MYOM1: variants seen among roughly 807,000 people sequenced by gnomAD.
The protein encoded by MYOM1 is myomesin 1.
In MYOM1, 164 loss-of-function variants were observed where a neutral mutation model predicts 205.3. That is an observed-to-expected ratio of 0.80 (90% CI 0.70 to 0.91). The LOEUF (loss-of-function observed/expected upper bound fraction) is 0.91, where lower values mean the gene tolerates loss of function less well. MYOM1 is among the 40% of genes least tolerant of loss of function. The pLI is 0.00. For missense variants in MYOM1, 2,011 were observed against 2,127.3 expected (o/e 0.95, Z 1.08); for synonymous variants, 772 against 789.4 (o/e 0.98, Z 0.37).
chr18:3,126,850 C>A lies in MYOM1; in HGVS notation c.2842G>T (p.Asp948Tyr). 1.2e-6 allele frequency: 2 copies of A among 1,613,030 alleles called. No individual in the cohort carries two copies. The highest frequency in any genetic ancestry group is 1.1e-5 in the South Asian group (1 of 90,776). Reference protein sequence around the residue: ...CDITCLESFRDSMVLGWKQPD... With the variant: ...CDITCLESFRYSMVLGWKQPD... ...TGCTTCCATCCAAGAACCATTGAGT[C>A]ACGAAAACTTTCAAGACAGGTGATA... is the stretch of plus-strand genomic sequence containing the variant. Residue 948 changes from aspartate (D) to tyrosine (Y), a missense_variant, in exon 19 of 38, where the codon GAC becomes TAC. Coordinates refer to ENST00000356443, the MANE Select transcript of MYOM1 (RefSeq NM_003803.4).
intron 33 of MYOM1, 108 bp from the exon 34 acceptor site, chr18:3,079,450 A>C (rs1567893985): frequency 8.1e-7 from 1 of 1,240,192 alleles, no homozygotes; most frequent in Middle Eastern, 2.4e-4. Flanking sequence ...GCTTTCAAAA[A>C]ACGAGGGATC....
chr18:3,156,299 A>C (rs1374678622), intron 10 of MYOM1, among the ~76,000 whole-genome samples: 1 of 152,072 alleles, frequency 6.6e-6, no homozygotes, highest in African/African-American at 2.4e-5. Flanking sequence ...CGACCAAACA[A>C]ACACTTTCTT....
chr18:3,088,617 G>C (rs1409198892), intron 29 of MYOM1, among the ~76,000 whole-genome samples: 4 of 152,142 alleles, frequency 2.6e-5, no homozygotes, highest in Non-Finnish European at 5.9e-5. Context: ...TGATGACTCA[G>C]CTACACACCA....
intron 33 of MYOM1, among the ~76,000 whole-genome samples, chr18:3,083,474 G>A (rs1257903861): frequency 7.3e-6 from 1 of 136,164 alleles, no homozygotes; most frequent in Non-Finnish European, 1.5e-5. Flanking sequence ...TGACACCCAG[G>A]CTGAAGTACA....
At chr18:3,214,444 G>A (rs991099033) in intron 2 of MYOM1, among the ~76,000 whole-genome samples, 4 of 152,188 alleles carry the variant, frequency 2.6e-5, no homozygotes, top group Non-Finnish European at 5.9e-5. Flanking sequence ...GACAATAAAG[G>A]GAAATAGGTA....
At chr18:3,069,730 G>T (rs2078939423) in intron 37 of MYOM1, among the ~76,000 whole-genome samples, 1 of 151,700 alleles carries the variant, frequency 6.6e-6, no homozygotes, top group South Asian at 2.1e-4. Flanking sequence ...ATGTGAAAAA[G>T]AAAAAACAAA....
Position 3,102,377 on chromosome 18 carries a change from A to G in MYOM1, c.3575+97T>C, listed in dbSNP as rs2079391022. On this transcript the variant is annotated intron_variant, in intron 23 of 37. Coordinates refer to ENST00000356443, the MANE Select transcript of MYOM1 (RefSeq NM_003803.4). ...CCAGATATAAAATATAAGTGACTTCATCCTCTTATTCCAAGCAATTTAAGT... is the reference window on the plus strand; with the variant it reads ...CCAGATATAAAATATAAGTGACTTCGTCCTCTTATTCCAAGCAATTTAAGT... The G allele has an allele frequency of 1.0e-5, 12 of 1,177,920 alleles. No individual in the cohort carries two copies. The South Asian group carries it at 1.8e-4, about 17-fold the overall frequency. 73.0% of individuals were successfully genotyped at this position (1,177,920 alleles called of 1,614,324 possible).
intron 17 of MYOM1, among the ~76,000 whole-genome samples, chr18:3,130,451 T>C (rs943043443): frequency 5.3e-5 from 8 of 152,106 alleles, no homozygotes; most frequent in African/African-American, 1.9e-4. Flanking sequence ...AATTTTATTT[T>C]ATTTATTTAT....
At chr18:3,215,426 T>C (rs902941256) in intron 1 of MYOM1, among the ~76,000 whole-genome samples, 175 bp from the exon 2 acceptor site, 2 of 151,962 alleles carry the variant, frequency 1.3e-5, no homozygotes, top group African/African-American at 2.4e-5. Context: ...GCCAACACAG[T>C]GAGACCCTAT....
At position 3,155,383 on chromosome 18, in the gene MYOM1, A is replaced by G. The variant is rs558169607; in HGVS notation, c.1502-295T>C. ...ACTACAGGCACCCGCCACCACGCCC[A>G]GCTAATTTCTTTTTGTATTTTTGGT... On this transcript the variant is annotated intron_variant, in intron 10 of 37. Transcript: ENST00000356443. Among the ~76,000 whole-genome samples the G allele has an allele frequency of 1.2e-3, 184 of 152,214 alleles. 1 individual carries two copies. Among genetic ancestry groups the G allele is most frequent in the East Asian group, 2.1e-3 (11 of 5,162 alleles).
chr18:3,171,031 A>G (rs189880865), intron 8 of MYOM1, among the ~76,000 whole-genome samples: 1 of 152,336 alleles, frequency 6.6e-6, no homozygotes, highest in Admixed American at 6.5e-5. Flanking sequence ...GAAATCCCAT[A>G]ATAATGCTAT....
At chr18:3,089,071 T>C (rs1046016639) in intron 29 of MYOM1, 103 bp downstream of exon 29, 22 of 676,194 alleles carry the variant, frequency 3.3e-5, no homozygotes, top group African/African-American at 3.1e-4. Context: ...GTCCCACTTA[T>C]CATTTTGGCT....
rs956796317 is a variant in MYOM1 at position 3,179,019 on chromosome 18, C to T, written c.930-2885G>A. Among the ~76,000 whole-genome samples the T allele has an allele frequency of 2.6e-5, 4 of 152,086 alleles. No individual in the cohort carries two copies. The highest frequency in any genetic ancestry group is 9.7e-5 in the African/African-American group (4 of 41,398). On this transcript the variant is annotated intron_variant, in intron 5 of 37. Coordinates refer to ENST00000356443, the MANE Select transcript of MYOM1 (RefSeq NM_003803.4). The surrounding 1 kb of genome is among the most constrained non-coding windows in gnomAD (Gnocchi z 4.4). ...AGTAGCTGGGACTACAAGTGTGCAC[C>T]ACCACACTCAGCTAATTTTTTCTAT...
Position 3,168,004 on chromosome 18 carries a change from G to A in MYOM1, c.1339+813C>T, listed in dbSNP as rs369059328. On this transcript the variant is annotated intron_variant, in intron 9 of 37. Transcript: ENST00000356443. Reference sequence around the variant, plus strand: ...GTTATAATATGATGTAAAACAAAAGGATCATTTTATCTATTTTTGTGTCCT... The same window carrying A: ...GTTATAATATGATGTAAAACAAAAGAATCATTTTATCTATTTTTGTGTCCT... Among the ~76,000 whole-genome samples, 135 of 152,252 alleles carry A rather than the reference G, an allele frequency of 8.9e-4. 1 individual carries two copies. In the South Asian group the frequency reaches 0.023, roughly 26 times the overall value.
rs750751400 is a variant in MYOM1 at position 3,129,416 on chromosome 18, C to T, written c.2610G>A (p.Gln870=). The T allele has an allele frequency of 1.2e-6, 2 of 1,613,948 alleles. No individual in the cohort carries two copies. The highest frequency in any genetic ancestry group is 1.7e-6 in the Non-Finnish European group (2 of 1,179,874). The change falls in exon 18 of 38, where the codon CAG becomes CAA. Residue 870 remains glutamine (Q), a synonymous_variant. Transcript: ENST00000356443. ...GTTTGCTGCCAAGCAAAGCATCTTT[C>T]TGGAAGGTTGGCGGGGAGGCTTCAT... is the stretch of plus-strand genomic sequence containing the variant. The part of the protein sequence containing the change: ...RVHEASPPTF[Q]KDALLGSKPN...
intron 25 of MYOM1, among the ~76,000 whole-genome samples, chr18:3,098,436 C>T (rs2079334439): frequency 6.6e-6 from 1 of 152,016 alleles, no homozygotes. Flanking sequence ...CACCACCACA[C>T]CCAGCTAATT....
chr18:3,074,323 G>C (rs1475514835), intron 36 of MYOM1, among the ~76,000 whole-genome samples: 1 of 152,154 alleles, frequency 6.6e-6, no homozygotes, highest in African/African-American at 2.4e-5. Flanking sequence ...GGGGAGCAGT[G>C]CAAGTTTCAG....
intron 8 of MYOM1, among the ~76,000 whole-genome samples, chr18:3,172,886 C>T (rs1004862137): frequency 6.6e-6 from 1 of 152,204 alleles, no homozygotes; most frequent in Non-Finnish European, 1.5e-5. Flanking sequence ...TGTTGCTCTA[C>T]CAGTCATCCC....
At position 3,193,695 on chromosome 18, in the gene MYOM1, C is replaced by T. The variant is rs975311117; in HGVS notation, c.431+123G>A. ...CTTTTACTATAATCTAACAAGTGCT[C>T]AATAAATGTTAGCTGCTATTTCTAT... On this transcript the variant is annotated intron_variant, in intron 3 of 37. Coordinates refer to ENST00000356443, the MANE Select transcript of MYOM1 (RefSeq NM_003803.4). The T allele has an allele frequency of 1.9e-5, 19 of 1,013,124 alleles. No homozygotes were observed. In the African/African-American group the frequency reaches 2.9e-4, roughly 16 times the overall value. 62.8% of individuals were successfully genotyped at this position (1,013,124 alleles called of 1,614,324 possible). A position where few individuals can be genotyped will look rare whatever the true frequency, so the allele number is the denominator to read the frequency against.
Sources: allele counts gnomAD v4.1 joint callset (sites outside exome capture counted in the v4.1 genomes callset), GRCh38; gene constraint gnomAD v4.1.1; non-coding constraint Gnocchi (gnomAD v3.1); transcripts MANE v1.5; gene names NCBI Gene and HGNC (gene_info 2026-07-23, HGNC 2026-07-21).